PEMT: variants seen among roughly 807,000 people sequenced by gnomAD.
PEMT encodes phosphatidylethanolamine N-methyltransferase.
Under a neutral mutation model 27.4 loss-of-function variants are expected in PEMT, and 23 were observed. The ratio of observed to expected loss-of-function variants is 0.84; its 90% CI spans 0.60 to 1.19. PEMT has a LOEUF of 1.19. Among genes scored for constraint, PEMT ranks in the 50% most tolerant of loss-of-function variants. The pLI is 0.00. For missense variants in PEMT, 307 were observed against 310.1 expected (o/e 0.99, Z 0.07); for synonymous variants, 137 against 139.1 (o/e 0.98, Z 0.11).
chr17:17,548,542 G>A (rs1017661250), intron 2 of PEMT, among the ~76,000 whole-genome samples: 2 of 152,190 alleles, frequency 1.3e-5, no homozygotes, highest in Admixed American at 6.5e-5. Context: ...ACGGCTTCAC[G>A]GTGAGCACAG....
intron 3 of PEMT, among the ~76,000 whole-genome samples, chr17:17,519,896 G>A (rs538042218): frequency 6.6e-6 from 1 of 152,334 alleles, no homozygotes; most frequent in African/African-American, 2.4e-5. Context: ...CGGTGTTTCT[G>A]GGCAGTCACC....
Position 17,512,404 on chromosome 17 carries a change from A to T in PEMT, c.466+105T>A. 1 of 1,154,496 alleles carries T rather than the reference A, an allele frequency of 8.7e-7. No individual in the cohort carries two copies. Among genetic ancestry groups the T allele is most frequent in the Non-Finnish European group, 1.2e-6 (1 of 864,694 alleles). The allele number at this position is 1,154,496 out of a possible 1,614,324, so 71.5% of individuals were successfully genotyped here. A position where few individuals can be genotyped will look rare whatever the true frequency, so the allele number is the denominator to read the frequency against. On this transcript the variant is annotated intron_variant, in intron 4 of 6. Coordinates refer to ENST00000255389, the MANE Select transcript of PEMT (RefSeq NM_148172.3). This position sits in a 1 kb window ranked among gnomAD's most constrained non-coding sequence, Gnocchi z 6.3. ...CGCCCCGATGGAGGGGGCCCCTAGC[A>T]CTCCCACCGATGTCACGGATAGCAG...
At position 17,591,579 on chromosome 17, in the gene PEMT, C is replaced by G. The variant is rs774591308; in HGVS notation, c.48G>C (p.Val16=). 2.9e-5 allele frequency: 47 copies of G among 1,613,734 alleles called. No individual in the cohort carries two copies. Among genetic ancestry groups the G allele is most frequent in the Middle Eastern group, 1.6e-4 (1 of 6,082 alleles). ...NPGAEVTNSS[V]AGPDCCGGLG... ...GGCCTCCGCAGCAGTCAGGCCCTGC[C>G]ACCGAGCTGTTCGTTACCTCGGCTC... The change falls in exon 1 of 7, where the codon GTG becomes GTC. Residue 16 remains valine, a synonymous_variant. Coordinates refer to ENST00000255389, the MANE Select transcript of PEMT (RefSeq NM_148172.3).
Position 17,582,236 on chromosome 17 carries a change from G to A in PEMT, c.97-5209C>T, listed in dbSNP as rs1912016605. 8 of 984,504 alleles carry A rather than the reference G, an allele frequency of 8.1e-6. No homozygotes were observed. The highest frequency in any genetic ancestry group is 9.6e-6 in the Non-Finnish European group (8 of 829,114). 61.0% of individuals were successfully genotyped at this position (984,504 alleles called of 1,614,324 possible). A position where few individuals can be genotyped will look rare whatever the true frequency, so the allele number is the denominator to read the frequency against. ...CAAGGCTCCAGGTTGCAGAGGCCTC[G>A]GAATCTGACTAAAGGAAAGGAGCTA... On this transcript the variant is annotated intron_variant, in intron 1 of 6. Coordinates refer to ENST00000255389, the MANE Select transcript of PEMT (RefSeq NM_148172.3). The surrounding 1 kb of genome is among the most constrained non-coding windows in gnomAD (Gnocchi z 4.9).
At chr17:17,578,684 G>C (rs539077147) in intron 1 of PEMT, 20 of 152,210 alleles carry the variant, frequency 1.3e-4, no homozygotes, top group Admixed American at 6.5e-4. Flanking sequence ...GAGAAGATTA[G>C]TATGGCCCCT....
rs1329438107 is a variant in PEMT at position 17,586,268 on chromosome 17, GAAAGAAAGAAAGAAAGAAAGAA to G, written c.96+5241_96+5262del. Among the ~76,000 whole-genome samples, 31 of 109,790 alleles carry G rather than the reference GAAAGAAAGAAAGAAAGAAAGAA, an allele frequency of 2.8e-4. 1 individual carries two copies. The highest frequency in any genetic ancestry group is 1.2e-3 in the East Asian group (4 of 3,380). 72.0% of individuals were successfully genotyped at this position (109,790 alleles called of 152,430 possible). A position where few individuals can be genotyped will look rare whatever the true frequency, so the allele number is the denominator to read the frequency against. ...AGAAAGAAAGAAAGAAAGAAAGAAAGAAAGAAAGAAAGAAAGAAAGAAAAAAAAAAACGCAGGTGGAAAATCG... is the reference window on the plus strand; with the variant it reads ...AGAAAGAAAGAAAGAAAGAAAGAAAGAAAAAAAAACGCAGGTGGAAAATCG... On this transcript the variant is annotated intron_variant, in intron 1 of 6. Coordinates refer to ENST00000255389, the MANE Select transcript of PEMT (RefSeq NM_148172.3).
At chr17:17,510,024 G>C (rs1906242549) in intron 4 of PEMT, among the ~76,000 whole-genome samples, 1 of 152,130 alleles carries the variant, frequency 6.6e-6, no homozygotes, top group Non-Finnish European at 1.5e-5. Flanking sequence ...TCAGCTGGTT[G>C]CTAAGGGCTG....
intron 2 of PEMT, among the ~76,000 whole-genome samples, chr17:17,540,134 C>T (rs1057135625): frequency 1.3e-5 from 2 of 152,252 alleles, no homozygotes; most frequent in East Asian, 3.9e-4. Context: ...CAGCCCTGGC[C>T]GTGGGTGGGG....
intron 2 of PEMT, among the ~76,000 whole-genome samples, chr17:17,552,626 G>A (rs1034439712): frequency 2.6e-5 from 4 of 152,228 alleles, no homozygotes; most frequent in Admixed American, 6.5e-5. Flanking sequence ...GCAGAAATGC[G>A]GCCACGGTGG....
rs753317349 is a variant in PEMT, at chr17:17,513,888, G to A, written c.321-1234C>T. ...TGCTCACAATAATCACAACACAGAA[G>A]AGACATGGAGATCTGCTACCTCACG... On this transcript the variant is annotated intron_variant, in intron 3 of 6. Transcript: ENST00000255389. The surrounding 1 kb of genome is among the most constrained non-coding windows in gnomAD (Gnocchi z 4.1). Among the ~76,000 whole-genome samples, 74 of 152,296 alleles carry A rather than the reference G, an allele frequency of 4.9e-4. No homozygotes were observed. Among genetic ancestry groups the A allele is most frequent in the Non-Finnish European group, 6.5e-4 (44 of 68,028 alleles).
At chr17:17,569,452 G>C (rs1597948829) in intron 2 of PEMT, among the ~76,000 whole-genome samples, 2 of 152,168 alleles carry the variant, frequency 1.3e-5, no homozygotes, top group South Asian at 2.1e-4. Context: ...CTGCACATGA[G>C]AGCCAGGCAC....
chr17:17,562,593 G>A (rs1006919992), intron 2 of PEMT, among the ~76,000 whole-genome samples: 1 of 152,210 alleles, frequency 6.6e-6, no homozygotes, highest in Non-Finnish European at 1.5e-5. Flanking sequence ...CAGATCACTT[G>A]AGGTCAGGAG....
At chr17:17,589,814 C>T (rs552061999) in intron 1 of PEMT, among the ~76,000 whole-genome samples, 1 of 152,340 alleles carries the variant, frequency 6.6e-6, no homozygotes, top group East Asian at 1.9e-4. Flanking sequence ...GGAAGCTTAA[C>T]TGCACCAACA....
intron 2 of PEMT, among the ~76,000 whole-genome samples, chr17:17,551,660 A>T (rs554407712): frequency 2.0e-5 from 3 of 152,360 alleles, no homozygotes; most frequent in Admixed American, 1.3e-4. Flanking sequence ...ACCAGGCACC[A>T]TAAGCAGCAA....
At chr17:17,510,841 G>A (rs941719191) in intron 4 of PEMT, among the ~76,000 whole-genome samples, 1 of 152,064 alleles carries the variant, frequency 6.6e-6, no homozygotes, top group Non-Finnish European at 1.5e-5. Flanking sequence ...AGCCCTCCCT[G>A]TCCAGATCCA....
intron 1 of PEMT, among the ~76,000 whole-genome samples, chr17:17,586,288 GAA>G (rs113887195): frequency 0.015 from 1,076 of 71,962 alleles, 74 homozygotes; most frequent in African/African-American, 0.05. Flanking sequence ...AAGAAAGAAA[GAA>G]AAAAAAAAAC....
At chr17:17,576,776 A>C in intron 2 of PEMT, 144 bp downstream of exon 2, 2 of 686,522 alleles carry the variant, frequency 2.9e-6, no homozygotes, top group Non-Finnish European at 2.6e-6. Context: ...AGTACTCCAC[A>C]CCAGCCAGCG....
At chr17:17,557,607 T>C (rs1910151271) in intron 2 of PEMT, among the ~76,000 whole-genome samples, 1 of 152,188 alleles carries the variant, frequency 6.6e-6, no homozygotes, top group Non-Finnish European at 1.5e-5. Context: ...GAACAGTACT[T>C]TCCATTGGGG....
chr17:17,580,046 A>C (rs773122765), intron 1 of PEMT, among the ~76,000 whole-genome samples: 2 of 152,112 alleles, frequency 1.3e-5, no homozygotes, highest in Non-Finnish European at 2.9e-5. Flanking sequence ...ATGAAGGACA[A>C]CTGGGCCAGG....
Sources: gnomAD v4.1 joint callset for allele counts (sites outside exome capture counted in the v4.1 genomes callset) on GRCh38, gnomAD v4.1.1 for gene constraint, Gnocchi (gnomAD v3.1) non-coding constraint, MANE v1.5 for transcripts, NCBI Gene and HGNC (gene_info 2026-07-23, HGNC 2026-07-21) for gene names.